Variants in TBC1D10A observed in about 807,000 individuals in gnomAD.
TBC1D10A encodes TBC1 domain family member 10A, also known as EBP50-PDX interactor of 64 kDa.
In TBC1D10A, 24 loss-of-function variants were observed where a neutral mutation model predicts 52.9. The ratio of observed to expected loss-of-function variants is 0.45; its 90% CI spans 0.33 to 0.64. TBC1D10A has a LOEUF of 0.64. Ranked by LOEUF, TBC1D10A falls within the 30% of genes least tolerant of loss-of-function variation. The probability of loss-of-function intolerance (pLI) is 0.02; values close to 1 mark genes in which losing one functional copy is unlikely to be tolerated. For missense variants in TBC1D10A, 602 were observed against 687.9 expected (o/e 0.88, Z 1.40); for synonymous variants, 278 against 282.9 (o/e 0.98, Z 0.17).
chr22:30,316,618 A>C (rs1930543254), intron 1 of TBC1D10A, among the ~76,000 whole-genome samples: 1 of 152,060 alleles, frequency 6.6e-6, no homozygotes, highest in African/African-American at 2.4e-5. Context: ...ATGCCCAGCT[A>C]ATTTTTAAAT....
At chr22:30,299,255 TCCAGGAGACACAGGTAC>T (rs903977338) in intron 3 of TBC1D10A, 172 bp downstream of exon 3, 3 of 589,212 alleles carry the variant, frequency 5.1e-6, no homozygotes, top group Non-Finnish European at 9.1e-6. Flanking sequence ...GTACAGACCC[TCCAGGAGACACAGGTAC>T]CCAGGACTGG....
intron 1 of TBC1D10A, among the ~76,000 whole-genome samples, chr22:30,306,812 CA>C (rs1930318895): frequency 6.6e-6 from 1 of 152,180 alleles, no homozygotes; most frequent in Admixed American, 6.5e-5. Context: ...ACCCAGCACT[CA>C]GCGTACCACA....
rs531852341 is a variant in TBC1D10A at position 30,294,676 on chromosome 22, T to C, written c.705+120A>G. The stretch of plus-strand genomic sequence containing the variant: ...CCTGGCAGGCCTTGGGACTTCAGCC[T>C]CAAGGCAACAGAAGGCCGGAAAGTT... On this transcript the variant is annotated intron_variant, in intron 6 of 8. Transcript: ENST00000215790. 2.7e-4 allele frequency: 364 copies of C among 1,335,114 alleles called. 1 individual carries two copies. In the Admixed American group the frequency reaches 6.7e-3, roughly 25 times the overall value. The allele number at this position is 1,335,114 out of a possible 1,614,324, so 82.7% of individuals were successfully genotyped here. A position where few individuals can be genotyped will look rare whatever the true frequency, so the allele number is the denominator to read the frequency against.
chr22:30,293,814 G>C lies in TBC1D10A; in HGVS notation c.896-9C>G. 2 of 1,607,022 alleles carry C rather than the reference G, an allele frequency of 1.2e-6. No homozygotes were observed. Among genetic ancestry groups the C allele is most frequent in the Non-Finnish European group, 1.7e-6 (2 of 1,174,592 alleles). On this transcript the variant is annotated splice_polypyrimidine_tract_variant and intron_variant, in intron 7 of 8. Transcript: ENST00000215790. ...GAAGATGATCTTGACCCCTGCATGGGGGATGGGCAGTAAGTACAAGGAAGC... is the reference window on the plus strand; with the variant it reads ...GAAGATGATCTTGACCCCTGCATGGCGGATGGGCAGTAAGTACAAGGAAGC...
chr22:30,317,274 G>A (rs561406029), intron 1 of TBC1D10A, among the ~76,000 whole-genome samples: 2 of 152,246 alleles, frequency 1.3e-5, no homozygotes, highest in South Asian at 4.2e-4. Context: ...CGGGCATGGT[G>A]GTGGGCACCT....
chr22:30,293,546 G>A (rs1258903521), intron 8 of TBC1D10A, 105 bp downstream of exon 8: 6 of 1,479,840 alleles, frequency 4.1e-6, no homozygotes. Flanking sequence ...CAATGGTCCT[G>A]GCATAGGATC....
chr22:30,297,535 A>T lies in TBC1D10A; in HGVS notation c.418-1692T>A, dbSNP rs1930107734. On this transcript the variant is annotated intron_variant, in intron 3 of 8. Coordinates refer to ENST00000215790, the MANE Select transcript of TBC1D10A (RefSeq NM_031937.3). This position sits in a 1 kb window ranked among gnomAD's most constrained non-coding sequence, Gnocchi z 4.3. ...CTGCAGATCGAAAGGGCACCGGCAGACAAGCAGGTACCATGGTCATGGGGC... is the reference window on the plus strand; with the variant it reads ...CTGCAGATCGAAAGGGCACCGGCAGTCAAGCAGGTACCATGGTCATGGGGC... 1 of 152,266 alleles carries T rather than the reference A, an allele frequency of 6.6e-6. No individual in the cohort carries two copies. Among genetic ancestry groups the T allele is most frequent in the South Asian group, 2.1e-4 (1 of 4,834 alleles). The allele number at this position is 152,266 out of a possible 1,614,324, so 9.4% of individuals were successfully genotyped here. A position where few individuals can be genotyped will look rare whatever the true frequency, so the allele number is the denominator to read the frequency against.
intron 1 of TBC1D10A, among the ~76,000 whole-genome samples, chr22:30,317,202 G>A (rs1415077043): frequency 1.3e-5 from 2 of 152,154 alleles, no homozygotes; most frequent in Non-Finnish European, 2.9e-5. Flanking sequence ...GAGGTCAGGA[G>A]TTTGAGACCA....
At chr22:30,321,345 A>G (rs183524722) in intron 1 of TBC1D10A, among the ~76,000 whole-genome samples, 11 of 152,172 alleles carry the variant, frequency 7.2e-5, no homozygotes, top group African/African-American at 2.7e-4. Flanking sequence ...TGCCAGCTCC[A>G]TGCTCTCCTG....
chr22:30,322,924 G>C (rs965771517), intron 1 of TBC1D10A, among the ~76,000 whole-genome samples: 14 of 138,380 alleles, frequency 1.0e-4, no homozygotes, highest in African/African-American at 3.9e-4. Context: ...ACAGGGTCAT[G>C]TTCTGTCTCA....
chr22:30,292,985 G>T, intron 8 of TBC1D10A, 134 bp from the exon 9 acceptor site: 1 of 1,012,752 alleles, frequency 9.9e-7, no homozygotes, highest in Non-Finnish European at 1.5e-6. Context: ...GGAAGGATGA[G>T]GGTCTAGTCC....
Position 30,292,496 on chromosome 22 carries a change from A to G in TBC1D10A, c.1406T>C (p.Val469Ala), listed in dbSNP as rs766166532. Residue 469 changes from valine to alanine, a missense_variant, in exon 9 of 9, where the codon GTG becomes GCG. Coordinates refer to ENST00000215790, the MANE Select transcript of TBC1D10A (RefSeq NM_031937.3). ...AAGDACPPQH[V>A]PPKDSAPKDS... is the part of the protein sequence containing the mutation. ...CTTGGGGGCTGAGTCCTTCGGGGGC[A>G]CATGCTGTGGGGGACATGCATCTCC... 1.2e-6 allele frequency: 2 copies of G among 1,608,912 alleles called. No homozygotes were observed. Among genetic ancestry groups the G allele is most frequent in the South Asian group, 1.1e-5 (1 of 90,300 alleles).
intron 1 of TBC1D10A, chr22:30,307,791 C>T (rs986967443): frequency 6.6e-6 from 1 of 152,160 alleles, no homozygotes; most frequent in African/African-American, 2.4e-5. Context: ...CATCATTCTC[C>T]CCTTTTTATT....
At chr22:30,308,454 T>C (rs935836381) in intron 1 of TBC1D10A, among the ~76,000 whole-genome samples, 5 of 151,570 alleles carry the variant, frequency 3.3e-5, no homozygotes, top group African/African-American at 9.7e-5. Flanking sequence ...ACAACACACA[T>C]ACACACACAC....
chr22:30,303,513 G>A (rs755251572), intron 2 of TBC1D10A, among the ~76,000 whole-genome samples: 1 of 152,236 alleles, frequency 6.6e-6, no homozygotes, highest in Admixed American at 6.5e-5. Context: ...AGCTGAGGCT[G>A]AGAGGGTGAA....
chr22:30,324,690 G>A (rs1035664318), intron 1 of TBC1D10A, among the ~76,000 whole-genome samples: 5 of 152,156 alleles, frequency 3.3e-5, no homozygotes, highest in Admixed American at 2.0e-4. Context: ...TTTCTGGGCC[G>A]CTACTTGTGA....
intron 1 of TBC1D10A, among the ~76,000 whole-genome samples, chr22:30,324,306 G>C (rs1394664086): frequency 1.3e-5 from 2 of 152,140 alleles, no homozygotes; most frequent in African/African-American, 4.8e-5. Flanking sequence ...TATGGCCTTG[G>C]GCAGGGACTT....
intron 2 of TBC1D10A, among the ~76,000 whole-genome samples, chr22:30,303,181 A>T (rs1250472444): frequency 2.0e-5 from 3 of 152,168 alleles, no homozygotes; most frequent in African/African-American, 4.8e-5. Context: ...TGGGAGGCTG[A>T]GGTGGGAGAA....
intron 1 of TBC1D10A, among the ~76,000 whole-genome samples, chr22:30,313,142 A>C (rs753267242): frequency 6.6e-6 from 1 of 152,182 alleles, no homozygotes; most frequent in East Asian, 1.9e-4. Context: ...CAGTATGTTC[A>C]AATGCTAGTT....
Sources: gnomAD v4.1 joint callset for allele counts (sites outside exome capture counted in the v4.1 genomes callset) on GRCh38, gnomAD v4.1.1 for gene constraint, Gnocchi (gnomAD v3.1) non-coding constraint, MANE v1.5 for transcripts, NCBI Gene and HGNC (gene_info 2026-07-23, HGNC 2026-07-21) for gene names.